INPP4B: variants seen among roughly 807,000 people sequenced by gnomAD.
INPP4B encodes inositol polyphosphate-4-phosphatase type II B.
Under a neutral mutation model 122.5 loss-of-function variants are expected in INPP4B, and 55 were observed. The observed-to-expected ratio is 0.45, with a 90% CI of 0.36 to 0.56. The LOEUF (loss-of-function observed/expected upper bound fraction) is 0.56, where lower values mean the gene tolerates loss of function less well. Ranked by LOEUF, INPP4B falls within the 20% of genes least tolerant of loss-of-function variation. INPP4B has a pLI of 0.00. For synonymous variants in INPP4B, 403 were observed against 388.7 expected (o/e 1.04, Z -0.43); for missense variants, 1,000 against 1,097.7 (o/e 0.91, Z 1.26).
chr4:142,340,432 G>T (rs918744122), intron 7 of INPP4B, among the ~76,000 whole-genome samples: 1 of 151,880 alleles, frequency 6.6e-6, no homozygotes, highest in Non-Finnish European at 1.5e-5. Flanking sequence ...TTTAGAGACA[G>T]GGTCTCTTTC....
At chr4:142,632,335 C>T (rs1407874246) in intron 2 of INPP4B, among the ~76,000 whole-genome samples, 1 of 151,932 alleles carries the variant, frequency 6.6e-6, no homozygotes, top group Non-Finnish European at 1.5e-5. Context: ...ACAAGCCATG[C>T]ACAGAAAGAC....
At chr4:142,691,671 C>T (rs952478375) in intron 2 of INPP4B, among the ~76,000 whole-genome samples, 5 of 152,090 alleles carry the variant, frequency 3.3e-5, no homozygotes, top group Non-Finnish European at 7.4e-5. Flanking sequence ...TCTGTATTTC[C>T]TGGGGGTAGC....
intron 2 of INPP4B, among the ~76,000 whole-genome samples, chr4:142,512,262 T>C (rs1336562982): frequency 1.3e-5 from 2 of 152,196 alleles, no homozygotes; most frequent in African/African-American, 4.8e-5. Flanking sequence ...AGCACCATGC[T>C]AGACCCTGAG....
At chr4:142,710,263 T>C (rs1762949581) in intron 2 of INPP4B, among the ~76,000 whole-genome samples, 1 of 152,218 alleles carries the variant, frequency 6.6e-6, no homozygotes, top group Non-Finnish European at 1.5e-5. Context: ...ACATTTGGAT[T>C]AGCTTTCCTA....
chr4:142,062,919 C>A lies in INPP4B; in HGVS notation c.2642+19112G>T, dbSNP rs1453803624. On this transcript the variant is annotated intron_variant, in intron 25 of 25. Transcript: ENST00000262992. ...TATGTATAGACCTCAGGTACATATT[C>A]CAAAAGAAATGGGGAAATATGTTAA... Among the ~76,000 whole-genome samples, 4 of 152,084 alleles carry A rather than the reference C, an allele frequency of 2.6e-5. No individual in the cohort carries two copies. In the East Asian group the frequency reaches 7.7e-4, roughly 29 times the overall value.
chr4:142,269,920 G>T (rs1744926017), intron 10 of INPP4B, among the ~76,000 whole-genome samples: 1 of 152,128 alleles, frequency 6.6e-6, no homozygotes, highest in Non-Finnish European at 1.5e-5. Context: ...TTTCCTAAAA[G>T]AAACTACTAG....
At chr4:142,675,191 C>A (rs1458372080) in intron 2 of INPP4B, among the ~76,000 whole-genome samples, 1 of 152,084 alleles carries the variant, frequency 6.6e-6, no homozygotes, top group African/African-American at 2.4e-5. Context: ...CACAGAAATA[C>A]AAACCACCGT....
rs941570026 is a variant in INPP4B, at chr4:142,299,452, G to T, written c.503+6006C>A. ...TTACAGGTGTGAGCCATCGCATCCG[G>T]CCTTGTTCACTTTCAAAGAAAAAAA... On this transcript the variant is annotated intron_variant, in intron 9 of 25. Coordinates refer to ENST00000262992, the MANE Select transcript of INPP4B (RefSeq NM_001101669.3). Among the ~76,000 whole-genome samples the T allele has an allele frequency of 2.0e-5, 3 of 151,452 alleles. No individual in the cohort carries two copies. The East Asian group carries it at 5.8e-4, about 29-fold the overall frequency.
At position 142,522,998 on chromosome 4, in the gene INPP4B, A is replaced by G. The variant is rs1314110106; in HGVS notation, c.-190-60272T>C. On this transcript the variant is annotated intron_variant, in intron 2 of 25. Transcript: ENST00000262992. Reference sequence around the variant, plus strand: ...TAGTAGCTGTGAGTTTGAAAAGAAAAGATGGAATTCCAAGGAAAGCAAAGG... The same window carrying G: ...TAGTAGCTGTGAGTTTGAAAAGAAAGGATGGAATTCCAAGGAAAGCAAAGG... Among the ~76,000 whole-genome samples the G allele has an allele frequency of 2.6e-5, 4 of 152,196 alleles. No individual in the cohort carries two copies. In the South Asian group the frequency reaches 6.2e-4, roughly 24 times the overall value.
At chr4:142,240,970 G>T (rs1419806808) in intron 11 of INPP4B, among the ~76,000 whole-genome samples, 2 of 151,960 alleles carry the variant, frequency 1.3e-5, no homozygotes, top group Non-Finnish European at 2.9e-5. Context: ...TGAACAATGT[G>T]CCACAAAAGA....
intron 2 of INPP4B, among the ~76,000 whole-genome samples, chr4:142,716,640 G>A (rs551869894): frequency 1.1e-4 from 17 of 152,314 alleles, no homozygotes; most frequent in Non-Finnish European, 2.2e-4. Context: ...AGAATCACTG[G>A]ATCCTGAAAG....
At chr4:142,294,856 A>AAAAAAG (rs1561775056) in intron 9 of INPP4B, among the ~76,000 whole-genome samples, 1 of 143,806 alleles carries the variant, frequency 7.0e-6, no homozygotes, top group African/African-American at 2.6e-5. Context: ...AAAAAAAAAA[A>AAAAAAG]GGCAGACTTA....
chr4:142,259,381 A>T (rs924372697), intron 11 of INPP4B, among the ~76,000 whole-genome samples: 2 of 151,564 alleles, frequency 1.3e-5, no homozygotes, highest in Non-Finnish European at 1.5e-5. Flanking sequence ...AAAAAAAGAA[A>T]AAAAAAAGAT....
chr4:142,536,244 T>A (rs1391761987), intron 2 of INPP4B, among the ~76,000 whole-genome samples: 3 of 152,210 alleles, frequency 2.0e-5, no homozygotes, highest in Non-Finnish European at 4.4e-5. Flanking sequence ...TTGAACAGTC[T>A]TATATTTAAT....
chr4:142,406,136 G>A (rs1562029667), intron 5 of INPP4B, among the ~76,000 whole-genome samples: 1 of 151,884 alleles, frequency 6.6e-6, no homozygotes, highest in African/African-American at 2.4e-5. Flanking sequence ...CGCCACCCTC[G>A]CCTCCCACCT....
chr4:142,260,292 T>C (rs1272978715), intron 11 of INPP4B, among the ~76,000 whole-genome samples, 200 bp downstream of exon 11: 1 of 152,160 alleles, frequency 6.6e-6, no homozygotes, highest in Non-Finnish European at 1.5e-5. Context: ...CTGACCATAT[T>C]TGTTTTGCAA....
intron 5 of INPP4B, among the ~76,000 whole-genome samples, chr4:142,418,897 A>G (rs951831088): frequency 6.6e-6 from 1 of 152,172 alleles, no homozygotes; most frequent in Non-Finnish European, 1.5e-5. Flanking sequence ...AAACAGACTC[A>G]CGAGGACTTG....
At chr4:142,521,793 G>A (rs958822484) in intron 2 of INPP4B, among the ~76,000 whole-genome samples, 2 of 151,970 alleles carry the variant, frequency 1.3e-5, no homozygotes, top group Non-Finnish European at 2.9e-5. Flanking sequence ...GAATTAACTA[G>A]TCTTACTAGT....
At chr4:142,251,466 T>C (rs1331149578) in intron 11 of INPP4B, among the ~76,000 whole-genome samples, 3 of 152,204 alleles carry the variant, frequency 2.0e-5, no homozygotes, top group Non-Finnish European at 4.4e-5. Flanking sequence ...CCTTTGATAA[T>C]ACTTTAAATA....
Sources: gnomAD v4.1 joint callset for allele counts (sites outside exome capture counted in the v4.1 genomes callset) on GRCh38, gnomAD v4.1.1 for gene constraint, MANE v1.5 for transcripts, NCBI Gene and HGNC (gene_info 2026-07-23, HGNC 2026-07-21) for gene names.